The following LRTM3 variants were observed in gnomAD, a reference collection of about 807,000 sequenced individuals.
The protein encoded by LRTM3 is leucine rich repeat transmembrane protein 3.
At chr13:102,734,481 C>T in the LRTM3 span, 2 of 1,551,298 alleles carry the variant, frequency 1.3e-6, no homozygotes, top group Non-Finnish European at 8.7e-7. Flanking sequence ...CCTTGCCCTC[C>T]AATGTTCACA....
the LRTM3 span, chr13:102,737,611 C>A: frequency 2.6e-6 from 4 of 1,550,742 alleles, no homozygotes; most frequent in Non-Finnish European, 2.6e-6. Flanking sequence ...AAAGTGCCTT[C>A]TTTCCTTTCA....
At chr13:102,746,359 G>C in the LRTM3 span, 1 of 1,550,516 alleles carries the variant, frequency 6.4e-7, no homozygotes, top group Admixed American at 2.0e-5. Context: ...TCTTAGCAAA[G>C]ACATCAGTGT....
the LRTM3 span, chr13:102,733,268 A>G: frequency 6.4e-7 from 1 of 1,551,332 alleles, no homozygotes; most frequent in East Asian, 2.4e-5. Flanking sequence ...TATTTTTTTG[A>G]GTGATCCCTT....
At chr13:102,749,499 A>C in the LRTM3 span, 1 of 1,551,336 alleles carries the variant, frequency 6.4e-7, no homozygotes, top group South Asian at 1.2e-5. Flanking sequence ...TCTATAAACC[A>C]AACACAATGT....
the LRTM3 span, chr13:102,748,916 A>C: frequency 1.3e-6 from 2 of 1,550,534 alleles, no homozygotes; most frequent in Non-Finnish European, 1.7e-6. Context: ...TGTCTCCTCA[A>C]GAGGACCTGC....
the LRTM3 span, chr13:102,741,819 G>C: frequency 1.3e-6 from 2 of 1,550,334 alleles, no homozygotes; most frequent in Non-Finnish European, 1.7e-6. Flanking sequence ...AGGAATTCAA[G>C]TTCTTCATCT....
the LRTM3 span, chr13:102,735,099 T>A: frequency 1.9e-6 from 3 of 1,551,226 alleles, no homozygotes; most frequent in Admixed American, 5.9e-5. Context: ...TTAGACAACA[T>A]GACACCTGGC....
chr13:102,742,251 G>T, the LRTM3 span: 7 of 1,550,322 alleles, frequency 4.5e-6, no homozygotes, highest in Admixed American at 3.9e-5. Context: ...TACTCAAGCA[G>T]CTGGGAAACT....
At chr13:102,754,098 C>T in the LRTM3 span, among the ~76,000 whole-genome samples, 2 of 148,646 alleles carry the variant, frequency 1.3e-5, no homozygotes, top group South Asian at 2.2e-4. Flanking sequence ...CCCAGCTACT[C>T]GGGAGGCTGA....
chr13:102,747,934 T>C, the LRTM3 span: 1 of 1,551,284 alleles, frequency 6.4e-7, no homozygotes, highest in Non-Finnish European at 8.7e-7. Flanking sequence ...TGAAGCCTTG[T>C]GTCAGCTCTG....
At chr13:102,735,302 T>C in the LRTM3 span, 1 of 1,551,326 alleles carries the variant, frequency 6.4e-7, no homozygotes, top group Non-Finnish European at 8.7e-7. Context: ...TGCTTTTAAT[T>C]GCTTTACATC....
At chr13:102,732,296 G>A in the LRTM3 span, 16 of 1,551,130 alleles carry the variant, frequency 1.0e-5, no homozygotes, top group South Asian at 1.4e-4. Flanking sequence ...TTTACTCCAC[G>A]AAGCTATGTT....
At chr13:102,758,274 A>G in the LRTM3 span, 61 of 590,802 alleles carry the variant, frequency 1.0e-4, no homozygotes, top group Non-Finnish European at 1.6e-4. Flanking sequence ...AATTTAAAGT[A>G]AATGTTAGAT....
chr13:102,745,887 T>C, the LRTM3 span: 1 of 1,551,164 alleles, frequency 6.4e-7, no homozygotes, highest in Middle Eastern at 1.7e-4. Context: ...GTAAAATGTG[T>C]TTGTGGTTGT....
the LRTM3 span, chr13:102,731,064 CT>C: frequency 6.4e-7 from 1 of 1,551,384 alleles, no homozygotes; most frequent in Non-Finnish European, 8.7e-7. Context: ...TTGCCTTTTT[CT>C]TTTACTGAGT....
chr13:102,737,118 A>G, the LRTM3 span: 2 of 1,551,126 alleles, frequency 1.3e-6, no homozygotes, highest in East Asian at 4.9e-5. Context: ...GGAAGTGATA[A>G]TTGCTCTGCC....
chr13:102,732,542 T>G, the LRTM3 span: 1 of 1,551,336 alleles, frequency 6.4e-7, no homozygotes, highest in Non-Finnish European at 8.7e-7. Context: ...TTTTTGTAGT[T>G]GAATGCTTTG....
chr13:102,734,485 G>A, the LRTM3 span: 6 of 1,551,164 alleles, frequency 3.9e-6, no homozygotes, highest in African/African-American at 2.7e-5. Context: ...GCCCTCCAAT[G>A]TTCACATGCA....
chr13:102,733,386 A>G, the LRTM3 span: 2 of 1,551,266 alleles, frequency 1.3e-6, no homozygotes, highest in Non-Finnish European at 1.7e-6. Context: ...AGTTCTGGAG[A>G]TACTTTCGAT....
Sources: gnomAD v4.1 joint callset for allele counts (sites outside exome capture counted in the v4.1 genomes callset) on GRCh38, gnomAD v4.1.1 for gene constraint, MANE v1.5 for transcripts, NCBI Gene and HGNC (gene_info 2026-07-23, HGNC 2026-07-21) for gene names.